Variants in MYRIP observed in about 807,000 individuals in gnomAD.
MYRIP encodes the protein rab effector MyRIP.
In MYRIP, 49 loss-of-function variants were observed where a neutral mutation model predicts 98.0. The ratio of observed to expected loss-of-function variants is 0.50; its 90% CI spans 0.40 to 0.63. The LOEUF is 0.63. Among genes scored for constraint, MYRIP ranks in the 30% least tolerant of loss-of-function variants. MYRIP has a pLI of 0.00. For synonymous variants in MYRIP, 404 were observed against 409.5 expected (o/e 0.99, Z 0.16); for missense variants, 1,004 against 1,058.2 (o/e 0.95, Z 0.71).
chr3:40,130,246 A>G (rs1410773494), intron 3 of MYRIP, among the ~76,000 whole-genome samples: 1 of 152,244 alleles, frequency 6.6e-6, no homozygotes, highest in African/African-American at 2.4e-5. Flanking sequence ...GTGACATATC[A>G]GCAAATTACT....
chr3:40,186,032 G>A (rs1951026750), intron 9 of MYRIP, among the ~76,000 whole-genome samples: 2 of 152,270 alleles, frequency 1.3e-5, no homozygotes, highest in South Asian at 4.1e-4. Context: ...GAGGGGTAGG[G>A]TAGACAACCA....
intron 2 of MYRIP, among the ~76,000 whole-genome samples, chr3:39,984,885 C>G (rs1301326359): frequency 1.3e-5 from 2 of 151,560 alleles, no homozygotes; most frequent in Non-Finnish European, 2.9e-5. Flanking sequence ...CTCTCCAGCA[C>G]CTGTTGTTTC....
chr3:40,100,696 G>A (rs780718040), intron 3 of MYRIP, among the ~76,000 whole-genome samples: 9 of 152,326 alleles, frequency 5.9e-5, no homozygotes, highest in Middle Eastern at 6.8e-3. Context: ...TCACATGTGA[G>A]TTTAAGAACA....
intron 2 of MYRIP, among the ~76,000 whole-genome samples, chr3:39,990,815 G>C (rs28634455): frequency 0.1 from 15,391 of 152,126 alleles, 1,360 homozygotes; most frequent in African/African-American, 0.23. Flanking sequence ...GTTTTTGCAG[G>C]CACATGGCAA....
intron 3 of MYRIP, among the ~76,000 whole-genome samples, chr3:40,076,643 A>G (rs1182055086): frequency 6.6e-6 from 1 of 152,222 alleles, no homozygotes; most frequent in African/African-American, 2.4e-5. Flanking sequence ...GGCCCAAAAC[A>G]GGCACACATC....
intron 3 of MYRIP, among the ~76,000 whole-genome samples, chr3:40,100,843 G>A (rs906369362): frequency 2.6e-5 from 4 of 152,200 alleles, no homozygotes. Context: ...CCATCACCCA[G>A]GAGGGACATT....
intron 10 of MYRIP, among the ~76,000 whole-genome samples, chr3:40,198,099 G>A (rs936601173): frequency 5.3e-5 from 8 of 152,258 alleles, no homozygotes; most frequent in East Asian, 1.9e-4. Flanking sequence ...CAGGGCTTAC[G>A]CTTTATCACT....
chr3:39,953,399 T>C (rs1454092384), intron 2 of MYRIP, among the ~76,000 whole-genome samples: 2 of 152,230 alleles, frequency 1.3e-5, no homozygotes, highest in Non-Finnish European at 2.9e-5. Flanking sequence ...GCTGAGTTTT[T>C]TGATCTGTCA....
At chr3:40,070,291 A>G (rs910406419) in intron 3 of MYRIP, among the ~76,000 whole-genome samples, 3 of 152,154 alleles carry the variant, frequency 2.0e-5, no homozygotes, top group African/African-American at 7.2e-5. Flanking sequence ...ATCCTTGATA[A>G]TGGCCTCATA....
chr3:40,202,178 C>T (rs1337166766), intron 10 of MYRIP, among the ~76,000 whole-genome samples: 3 of 152,124 alleles, frequency 2.0e-5, no homozygotes, highest in Non-Finnish European at 4.4e-5. Flanking sequence ...AGGAGAGCCA[C>T]CAGGACATAA....
rs185415163 is a variant in MYRIP at position 39,872,335 on chromosome 3, T to C, written c.-30-28452T>C. On this transcript the variant is annotated intron_variant, in intron 1 of 16. Transcript: ENST00000302541. ...CAAATGGAAAAAATGTAAATATTTCTTTATTATTATTATTATTATACTTTA... is the reference window on the plus strand; with the variant it reads ...CAAATGGAAAAAATGTAAATATTTCCTTATTATTATTATTATTATACTTTA... Among the ~76,000 whole-genome samples the C allele has an allele frequency of 9.3e-3, 1,404 of 151,388 alleles. 26 individuals are homozygous for C. The highest frequency in any genetic ancestry group is 0.032 in the African/African-American group (1,327 of 41,334).
chr3:39,895,165 C>T (rs1405462053), intron 1 of MYRIP, among the ~76,000 whole-genome samples: 2 of 151,608 alleles, frequency 1.3e-5, no homozygotes, highest in Admixed American at 1.3e-4. Flanking sequence ...TCCTGGTTTT[C>T]CCTAGATTTT....
intron 2 of MYRIP, among the ~76,000 whole-genome samples, chr3:39,906,883 G>A (rs1186273136): frequency 6.6e-6 from 1 of 152,200 alleles, no homozygotes; most frequent in African/African-American, 2.4e-5. Context: ...CTGACTGGAA[G>A]AAGAAATGCA....
At position 40,191,329 on chromosome 3, in the gene MYRIP, C is replaced by T. The variant is rs866246406; in HGVS notation, c.1665+866C>T. Among the ~76,000 whole-genome samples, 50 of 152,324 alleles carry T rather than the reference C, an allele frequency of 3.3e-4. No individual in the cohort carries two copies. In the Middle Eastern group the frequency reaches 0.01, roughly 31 times the overall value. ...TCTCTAAATACACCCTGCTCATTCCCAGCCCTGTGACTTTGATTGTGCTAT... is the reference window on the plus strand; with the variant it reads ...TCTCTAAATACACCCTGCTCATTCCTAGCCCTGTGACTTTGATTGTGCTAT... On this transcript the variant is annotated intron_variant, in intron 10 of 16. Coordinates refer to ENST00000302541, the MANE Select transcript of MYRIP (RefSeq NM_015460.4).
At chr3:40,217,543 C>T (rs1002769891) in intron 11 of MYRIP, among the ~76,000 whole-genome samples, 14 of 152,040 alleles carry the variant, frequency 9.2e-5, no homozygotes, top group African/African-American at 3.4e-4. Flanking sequence ...CTCATAAATA[C>T]TGAATGAAGA....
At chr3:40,066,011 A>G (rs1383730330) in intron 3 of MYRIP, among the ~76,000 whole-genome samples, 8 of 152,186 alleles carry the variant, frequency 5.3e-5, no homozygotes, top group Non-Finnish European at 1.2e-4. Flanking sequence ...TGCTCCTGCC[A>G]TGAACTCTAG....
intron 1 of MYRIP, among the ~76,000 whole-genome samples, chr3:39,887,976 G>T (rs374849395): frequency 6.6e-6 from 1 of 150,542 alleles, no homozygotes; most frequent in Non-Finnish European, 1.5e-5. Context: ...TACAAGGGAC[G>T]TGAAGGACCT....
intron 1 of MYRIP, among the ~76,000 whole-genome samples, chr3:39,899,580 G>C (rs1299780077): frequency 6.6e-6 from 1 of 152,044 alleles, no homozygotes; most frequent in South Asian, 2.1e-4. Context: ...TATATCTGAA[G>C]CATATACCTA....
intron 11 of MYRIP, among the ~76,000 whole-genome samples, chr3:40,218,609 A>ATTT (rs370689146): frequency 7.8e-6 from 1 of 127,412 alleles, no homozygotes; most frequent in Non-Finnish European, 1.6e-5. Flanking sequence ...ATATATATAT[A>ATTT]TTTTATATAT....
Sources: allele counts gnomAD v4.1 joint callset (sites outside exome capture counted in the v4.1 genomes callset), GRCh38; gene constraint gnomAD v4.1.1; transcripts MANE v1.5; gene names NCBI Gene and HGNC (gene_info 2026-07-23, HGNC 2026-07-21).